Variants in PDE7B observed in about 807,000 individuals in gnomAD.
The protein encoded by PDE7B is 3',5'-cyclic-AMP phosphodiesterase 7B.
PDE7B carries 29 observed loss-of-function variants against 56.2 expected under a neutral mutation model. The ratio of observed to expected loss-of-function variants is 0.52; its 90% confidence interval spans 0.38 to 0.70. The LOEUF is 0.70. Among genes scored for constraint, PDE7B ranks in the 30% least tolerant of loss-of-function variants. The pLI is 0.00. For missense variants in PDE7B, 490 were observed against 565.0 expected (o/e 0.87, Z 1.35); for synonymous variants, 197 against 196.9 (o/e 1.00, Z 0.00).
chr6:135,885,336 T>G (rs1238174708), intron 1 of PDE7B, among the ~76,000 whole-genome samples: 4 of 151,892 alleles, frequency 2.6e-5, no homozygotes, highest in African/African-American at 9.6e-5. Context: ...TTGTTTTTTT[T>G]TTTTTTTATC....
Position 136,056,509 on chromosome 6 carries a change from A to ATCCTTTTT in PDE7B, c.83-52220_83-52213dup, listed in dbSNP as rs1465223024. The stretch of plus-strand genomic sequence containing the variant: ...AATTCTGAGCTCCTTTGCAGATAGA[A>ATCCTTTTT]TCCTTTTTTTTTTTTTTTTTTTTTT... On this transcript the variant is annotated intron_variant, in intron 2 of 12. Coordinates refer to ENST00000308191, the MANE Select transcript of PDE7B (RefSeq NM_018945.4). Among the ~76,000 whole-genome samples, 7 of 121,578 alleles carry ATCCTTTTT rather than the reference A, an allele frequency of 5.8e-5. No individual in the cohort carries two copies. In the East Asian group the frequency reaches 1.4e-3, roughly 24 times the overall value. 79.8% of individuals were successfully genotyped at this position (121,578 alleles called of 152,430 possible). A position where few individuals can be genotyped will look rare whatever the true frequency, so the allele number is the denominator to read the frequency against.
chr6:136,031,209 A>G (rs1293717543), intron 2 of PDE7B, among the ~76,000 whole-genome samples: 1 of 152,242 alleles, frequency 6.6e-6, no homozygotes, highest in Non-Finnish European at 1.5e-5. Flanking sequence ...AATCCTTGCC[A>G]CATGGTTATA....
chr6:135,909,060 G>C (rs1244740738), intron 1 of PDE7B, among the ~76,000 whole-genome samples: 1 of 152,132 alleles, frequency 6.6e-6, no homozygotes, highest in Non-Finnish European at 1.5e-5. Context: ...TGTTAGTTAT[G>C]ACAATATTTG....
intron 2 of PDE7B, among the ~76,000 whole-genome samples, chr6:136,066,256 A>G (rs906485500): frequency 9.2e-5 from 14 of 152,232 alleles, no homozygotes; most frequent in African/African-American, 3.1e-4. Context: ...GGATGACTCA[A>G]TAACCCTTAG....
intron 1 of PDE7B, among the ~76,000 whole-genome samples, chr6:135,910,700 T>A (rs1562435628): frequency 6.6e-6 from 1 of 152,138 alleles, no homozygotes; most frequent in Non-Finnish European, 1.5e-5. Flanking sequence ...TATGGAGTAT[T>A]TTCACTGCCC....
chr6:135,911,285 C>A (rs1457490980), intron 1 of PDE7B, among the ~76,000 whole-genome samples: 2 of 152,136 alleles, frequency 1.3e-5, no homozygotes, highest in African/African-American at 4.8e-5. Flanking sequence ...AAAATATAAG[C>A]AAACCCTAAC....
chr6:136,068,745 T>A (rs1466502872), intron 2 of PDE7B, among the ~76,000 whole-genome samples: 1 of 152,110 alleles, frequency 6.6e-6, no homozygotes, highest in Non-Finnish European at 1.5e-5. Context: ...AGATTCTTAT[T>A]ACACAGATGA....
At chr6:136,176,326 G>A (rs1461924708) in intron 9 of PDE7B, among the ~76,000 whole-genome samples, 15 of 151,946 alleles carry the variant, frequency 9.9e-5, no homozygotes, top group Non-Finnish European at 2.9e-5. Flanking sequence ...ATAATTTTGA[G>A]AAGTATAAAT....
chr6:135,977,141 T>A (rs1042191653), intron 2 of PDE7B, among the ~76,000 whole-genome samples: 13 of 152,236 alleles, frequency 8.5e-5, no homozygotes, highest in African/African-American at 3.1e-4. Flanking sequence ...CTATATCATC[T>A]GGTCCAAAGA....
intron 1 of PDE7B, among the ~76,000 whole-genome samples, chr6:135,906,544 A>G (rs1226810614): frequency 6.6e-6 from 1 of 152,170 alleles, no homozygotes; most frequent in Non-Finnish European, 1.5e-5. Flanking sequence ...ACCTACCAAG[A>G]ATAGAGATTA....
intron 8 of PDE7B, chr6:136,161,884 A>C (rs1778709408): frequency 6.6e-6 from 1 of 152,204 alleles, no homozygotes. Context: ...CCCTGCCCTC[A>C]ATAGCAGTCA....
chr6:136,067,512 A>C (rs1040609388), intron 2 of PDE7B, among the ~76,000 whole-genome samples: 7 of 152,196 alleles, frequency 4.6e-5, no homozygotes, highest in Admixed American at 3.9e-4. Flanking sequence ...TAAAACCTAA[A>C]ACTACATAGG....
intron 2 of PDE7B, among the ~76,000 whole-genome samples, chr6:136,090,945 C>G (rs1777375283): frequency 6.6e-6 from 1 of 152,174 alleles, no homozygotes; most frequent in Non-Finnish European, 1.5e-5. Context: ...CCCTAACACA[C>G]CAGAGCAATG....
At chr6:135,928,678 A>T (rs532683965) in intron 1 of PDE7B, among the ~76,000 whole-genome samples, 105 of 151,330 alleles carry the variant, frequency 6.9e-4, no homozygotes, top group African/African-American at 2.1e-3. Context: ...GCTAAAGGCC[A>T]TTATCCTAAG....
intron 2 of PDE7B, among the ~76,000 whole-genome samples, chr6:135,952,412 A>G (rs924325461): frequency 6.6e-6 from 1 of 152,160 alleles, no homozygotes; most frequent in Non-Finnish European, 1.5e-5. Flanking sequence ...TCTAATTTTA[A>G]TTAATCGGAT....
intron 12 of PDE7B, among the ~76,000 whole-genome samples, chr6:136,187,537 A>G (rs1407266162): frequency 2.6e-5 from 4 of 152,000 alleles, no homozygotes; most frequent in African/African-American, 9.7e-5. Flanking sequence ...CAAGAACCCA[A>G]TCTCTAGGCC....
chr6:135,928,429 TTATATA>T (rs755915341), intron 1 of PDE7B, among the ~76,000 whole-genome samples: 1 of 103,060 alleles, frequency 9.7e-6, no homozygotes, highest in Non-Finnish European at 2.0e-5. Context: ...GAAAATGTGA[TTATATA>T]TATATATATA....
At chr6:135,968,694 T>C (rs1775040745) in intron 2 of PDE7B, among the ~76,000 whole-genome samples, 1 of 152,186 alleles carries the variant, frequency 6.6e-6, no homozygotes, top group South Asian at 2.1e-4. Context: ...GGTGGGAATG[T>C]AAATTAGTTC....
chr6:135,944,411 T>C (rs1288951489), intron 1 of PDE7B, among the ~76,000 whole-genome samples: 1 of 152,168 alleles, frequency 6.6e-6, no homozygotes, highest in Non-Finnish European at 1.5e-5. Flanking sequence ...CTGGTTTTTT[T>C]CAAGCCCTGA....
Sources: allele counts gnomAD v4.1 joint callset (sites outside exome capture counted in the v4.1 genomes callset), GRCh38; gene constraint gnomAD v4.1.1; transcripts MANE v1.5; gene names NCBI Gene and HGNC (gene_info 2026-07-23, HGNC 2026-07-21).